Variants in ESR1 observed in about 807,000 individuals in gnomAD.
ESR1 encodes estrogen receptor 1.
In ESR1, 12 loss-of-function variants were observed where a neutral mutation model predicts 52.7. The observed-to-expected ratio is 0.23, with a 90% CI of 0.15 to 0.37. ESR1 has a LOEUF of 0.37. ESR1 is among the 10% of genes least tolerant of loss of function. The probability of loss-of-function intolerance (pLI) is 1.00; values close to 1 mark genes in which losing one functional copy is unlikely to be tolerated. For missense variants in ESR1, 584 were observed against 779.7 expected, an observed-to-expected ratio of 0.75 and a Z score of 2.99; for synonymous variants, 305 against 316.8, an observed-to-expected ratio of 0.96 and a Z score of 0.39.
intron 2 of ESR1, among the ~76,000 whole-genome samples, chr6:151,753,435 A>G (rs1206578113): frequency 6.6e-6 from 1 of 151,402 alleles, no homozygotes; most frequent in Non-Finnish European, 1.5e-5. Flanking sequence ...CTCCTGCCTC[A>G]ATCTCCTGAG....
At chr6:152,059,042 A>G (rs2047334324) in intron 5 of ESR1, among the ~76,000 whole-genome samples, 1 of 152,204 alleles carries the variant, frequency 6.6e-6, no homozygotes, top group African/African-American at 2.4e-5. Flanking sequence ...CTAATGAGCT[A>G]GTTGAAAAAA....
At chr6:151,801,053 T>G (rs1245743145), upstream of ESR1, among the ~76,000 whole-genome samples, 1 of 144,468 alleles carries the variant, frequency 6.9e-6, no homozygotes, top group Non-Finnish European at 1.6e-5. Context: ...GATTATGTGG[T>G]GTGTGTGTGT....
At chr6:151,711,478 C>T (rs1205190819) in intron 2 of ESR1, among the ~76,000 whole-genome samples, 1 of 152,204 alleles carries the variant, frequency 6.6e-6, no homozygotes, top group Admixed American at 6.5e-5. Flanking sequence ...GCCTTGGCCT[C>T]CCAAAGTGCT....
chr6:151,899,794 CG>C (rs1796374661), intron 3 of ESR1, among the ~76,000 whole-genome samples: 1 of 147,342 alleles, frequency 6.8e-6, no homozygotes, highest in African/African-American at 2.6e-5. Context: ...ACATCTCAGA[CG>C]ATGGGCGGCA....
At chr6:151,709,130 C>G (rs1562345599) in intron 2 of ESR1, among the ~76,000 whole-genome samples, 1 of 152,080 alleles carries the variant, frequency 6.6e-6, no homozygotes, top group East Asian at 1.9e-4. Context: ...CACCTCCCAC[C>G]CCTCTGCCCG....
chr6:151,703,367 G>T (rs956695187), intron 2 of ESR1, among the ~76,000 whole-genome samples: 2 of 152,170 alleles, frequency 1.3e-5, no homozygotes, highest in Non-Finnish European at 2.9e-5. Flanking sequence ...GGAACCCCCA[G>T]AGCCTTGTCT....
intron 1 of ESR1, among the ~76,000 whole-genome samples, chr6:151,829,319 T>TA (rs1782006996): frequency 6.6e-6 from 1 of 152,268 alleles, no homozygotes; most frequent in Admixed American, 6.5e-5. Context: ...AAAGAATATG[T>TA]CAGATATACA....
chr6:151,759,199 C>T (rs530372897), intron 2 of ESR1, among the ~76,000 whole-genome samples: 18 of 141,644 alleles, frequency 1.3e-4, no homozygotes, highest in African/African-American at 3.5e-4. Flanking sequence ...TGCTTGAACA[C>T]GGGAGGCAGA....
intron 1 of ESR1, among the ~76,000 whole-genome samples, chr6:151,663,153 G>A (rs1036691320): frequency 1.3e-5 from 2 of 152,224 alleles, no homozygotes; most frequent in African/African-American, 4.8e-5. Flanking sequence ...TTAATCGCAT[G>A]TGATAACAAA....
At position 152,099,086 on chromosome 6, in the gene ESR1, T is replaced by A. The variant is rs2050866047; in HGVS notation, c.*120T>A. On this transcript the variant is annotated 3_prime_UTR_variant, in exon 8 of 8. Transcript: ENST00000206249. ...CCGGCATGCATCCAACACCAATGGC[T>A]TTCTAGATGAGTGGCCATTCATTTG... 1.3e-6 allele frequency: 1 copy of A among 766,222 alleles called. No homozygotes were observed. The highest frequency in any genetic ancestry group is 2.2e-6 in the Non-Finnish European group (1 of 446,786). 47.5% of individuals were successfully genotyped at this position (766,222 alleles called of 1,614,324 possible). A position where few individuals can be genotyped will look rare whatever the true frequency, so the allele number is the denominator to read the frequency against.
At chr6:152,090,574 C>T (rs940235603) in intron 6 of ESR1, among the ~76,000 whole-genome samples, 2 of 152,250 alleles carry the variant, frequency 1.3e-5, no homozygotes, top group African/African-American at 4.8e-5. Context: ...CTTCTGGGCA[C>T]AGCCACACTG....
At chr6:151,704,123 G>T (rs1371411467) in intron 2 of ESR1, among the ~76,000 whole-genome samples, 1 of 152,224 alleles carries the variant, frequency 6.6e-6, no homozygotes, top group Non-Finnish European at 1.5e-5. Flanking sequence ...AATAAAAGAT[G>T]TAAAATGTAT....
intron 5 of ESR1, among the ~76,000 whole-genome samples, chr6:152,037,254 A>AAG (rs758322807): frequency 6.6e-6 from 1 of 152,242 alleles, no homozygotes; most frequent in East Asian, 1.9e-4. Flanking sequence ...GAGCATGCAA[A>AAG]AGAGAGAGAG....
chr6:151,924,077 TC>T (rs1480129353), intron 3 of ESR1, among the ~76,000 whole-genome samples: 4 of 152,210 alleles, frequency 2.6e-5, no homozygotes, highest in African/African-American at 9.6e-5. Flanking sequence ...GGAGTCTCGC[TC>T]TGTCGCCCAG....
At chr6:151,799,855 G>A (rs1002730266), upstream of ESR1, among the ~76,000 whole-genome samples, 6 of 152,144 alleles carry the variant, frequency 3.9e-5, no homozygotes, top group East Asian at 3.9e-4. Flanking sequence ...ATTTGCATAC[G>A]TGAATATTTA....
intron 2 of ESR1, among the ~76,000 whole-genome samples, chr6:151,798,312 A>G (rs1163062013): frequency 6.6e-6 from 1 of 152,206 alleles, no homozygotes; most frequent in African/African-American, 2.4e-5. Context: ...TGAACTCGAC[A>G]GCATGATAAG....
chr6:151,899,019 G>C (rs1165779666), intron 3 of ESR1, among the ~76,000 whole-genome samples: 1 of 130,382 alleles, frequency 7.7e-6, no homozygotes, highest in African/African-American at 2.9e-5. Flanking sequence ...GCGGCTGGCC[G>C]GGCGGGGGGC....
intron 5 of ESR1, 133 bp from the exon 6 acceptor site, chr6:152,060,858 A>C: frequency 2.8e-6 from 2 of 706,196 alleles, no homozygotes; most frequent in Non-Finnish European, 4.7e-6. Context: ...CATGAAGACA[A>C]TGGCTGATAG....
intron 1 of ESR1, among the ~76,000 whole-genome samples, chr6:151,820,440 C>G (rs1428810499): frequency 6.6e-6 from 1 of 152,188 alleles, no homozygotes; most frequent in Non-Finnish European, 1.5e-5. Flanking sequence ...TTAAACCTTA[C>G]ATTTCTCATA....
Sources: gnomAD v4.1 joint callset for allele counts (sites outside exome capture counted in the v4.1 genomes callset) on GRCh38, gnomAD v4.1.1 for gene constraint, MANE v1.5 for transcripts, NCBI Gene and HGNC (gene_info 2026-07-23, HGNC 2026-07-21) for gene names.